Variants in TMEM45B observed in about 807,000 individuals in gnomAD.
The protein encoded by TMEM45B is transmembrane protein 45B.
TMEM45B carries 29 observed loss-of-function variants against 27.3 expected under a neutral mutation model. The ratio of observed to expected loss-of-function variants is 1.06; its 90% CI spans 0.79 to 1.45. TMEM45B has a LOEUF of 1.45. Ranked by LOEUF, TMEM45B falls within the 40% of genes most tolerant of loss-of-function variation. The pLI is 0.00. For synonymous variants in TMEM45B, 143 were observed against 134.7 expected (o/e 1.06, Z -0.43); for missense variants, 348 against 343.9 (o/e 1.01, Z -0.09).
intron 4 of TMEM45B, among the ~76,000 whole-genome samples, chr11:129,856,645 C>T (rs967675523): frequency 1.3e-5 from 2 of 149,470 alleles, no homozygotes; most frequent in African/African-American, 5.0e-5. Flanking sequence ...CTGCAAGCTC[C>T]ACCTCCCAGG....
intron 1 of TMEM45B, among the ~76,000 whole-genome samples, chr11:129,826,587 T>G (rs1237327715): frequency 7.3e-6 from 1 of 136,480 alleles, no homozygotes; most frequent in East Asian, 2.3e-4. Context: ...AGAGGCTATG[T>G]GTCTTGCTCA....
At chr11:129,840,347 A>T (rs1947674279) in intron 1 of TMEM45B, among the ~76,000 whole-genome samples, 1 of 152,234 alleles carries the variant, frequency 6.6e-6, no homozygotes, top group Non-Finnish European at 1.5e-5. Context: ...ACAAGCTGGT[A>T]TCAAGTACAT....
chr11:129,857,703 G>A lies in TMEM45B; in HGVS notation c.716+245G>A, dbSNP rs117030708. ...CCAGGTTTCAAATGCAGGTCTCACA[G>A]ATTTTAAGCCTATGGTGTGGTGGGG... On this transcript the variant is annotated intron_variant, in intron 5 of 5. Coordinates refer to ENST00000281441, the MANE Select transcript of TMEM45B (RefSeq NM_138788.5). Among the ~76,000 whole-genome samples, 313 of 152,288 alleles carry A rather than the reference G, an allele frequency of 2.1e-3. 2 individuals are homozygous for A. Among genetic ancestry groups the A allele is most frequent in the Middle Eastern group, 3.4e-3 (1 of 294 alleles).
intron 1 of TMEM45B, among the ~76,000 whole-genome samples, chr11:129,833,247 AAACAG>A (rs1315023520): frequency 1.2e-4 from 16 of 131,960 alleles, no homozygotes; most frequent in East Asian, 5.2e-4. Context: ...CTCAAAAAAT[AAACAG>A]AAAAATAAAA....
chr11:129,848,482 C>G (rs567422962), intron 1 of TMEM45B, among the ~76,000 whole-genome samples: 6 of 151,876 alleles, frequency 4.0e-5, no homozygotes, highest in Non-Finnish European at 7.4e-5. Flanking sequence ...AGCTTCGGCT[C>G]GGCATGAAAG....
In TMEM45B at chr11:129,826,548, C is replaced by CA. The variant is rs1555069241; in HGVS notation, c.-9+10670dup. 3.3e-3 allele frequency among the ~76,000 whole-genome samples: 59 copies of CA among 17,828 alleles called. 1 individual carries two copies. Among genetic ancestry groups the CA allele is most frequent in the African/African-American group, 6.4e-3 (32 of 4,964 alleles). The allele number at this position is 17,828 out of a possible 152,430, so 11.7% of individuals were successfully genotyped here. On this transcript the variant is annotated intron_variant, in intron 1 of 5. Coordinates refer to ENST00000281441, the MANE Select transcript of TMEM45B (RefSeq NM_138788.5). Reference sequence around the variant, plus strand: ...TGGGGGACACAGCAAGACTCTGTCACAAAAAAAAAAAAAAAAAAAAGGACC... The same window carrying CA: ...TGGGGGACACAGCAAGACTCTGTCACAAAAAAAAAAAAAAAAAAAAAGGACC...
At chr11:129,848,483 G>C (rs535999714) in intron 1 of TMEM45B, among the ~76,000 whole-genome samples, 4 of 150,442 alleles carry the variant, frequency 2.7e-5, no homozygotes, top group African/African-American at 9.9e-5. Context: ...GCTTCGGCTC[G>C]GCATGAAAGG....
chr11:129,857,170 G>A lies in TMEM45B; in HGVS notation c.571-143G>A, dbSNP rs371704569. 1.5e-5 allele frequency: 15 copies of A among 977,104 alleles called. No individual in the cohort carries two copies. The South Asian group carries it at 1.9e-4, about 12-fold the overall frequency. 60.5% of individuals were successfully genotyped at this position (977,104 alleles called of 1,614,324 possible). A position where few individuals can be genotyped will look rare whatever the true frequency, so the allele number is the denominator to read the frequency against. On this transcript the variant is annotated intron_variant, in intron 4 of 5. Coordinates refer to ENST00000281441, the MANE Select transcript of TMEM45B (RefSeq NM_138788.5). ...CCTGGCCAGAGCCATTTTTCTATGT[G>A]AAAAGGCCTTTCTATGCTAACGAAG...
At chr11:129,837,306 G>A (rs1219713271) in intron 1 of TMEM45B, among the ~76,000 whole-genome samples, 3 of 151,770 alleles carry the variant, frequency 2.0e-5, no homozygotes, top group East Asian at 3.9e-4. Context: ...TTTGTTTTGA[G>A]ACGGAGTCTT....
chr11:129,817,880 G>A (rs1449783646), intron 1 of TMEM45B, among the ~76,000 whole-genome samples: 2 of 152,176 alleles, frequency 1.3e-5, no homozygotes, highest in African/African-American at 4.8e-5. Context: ...GGTGAGGACA[G>A]TTTCACCACA....
chr11:129,850,970 ACTC>A (rs1347138591), intron 1 of TMEM45B, among the ~76,000 whole-genome samples: 1 of 152,000 alleles, frequency 6.6e-6, no homozygotes, highest in Non-Finnish European at 1.5e-5. Context: ...AATGTTATAA[ACTC>A]CTCTGGTACC....
intron 1 of TMEM45B, among the ~76,000 whole-genome samples, chr11:129,828,696 T>C (rs977561971): frequency 6.6e-6 from 1 of 152,220 alleles, no homozygotes; most frequent in African/African-American, 2.4e-5. Flanking sequence ...TGAGAGTTCC[T>C]GCCGGCAAGG....
At position 129,858,863 on chromosome 11, in the gene TMEM45B, C is replaced by T; in HGVS notation, c.*178C>T. The T allele has an allele frequency of 2.1e-6, 1 of 465,664 alleles. No individual in the cohort carries two copies. The highest frequency in any genetic ancestry group is 3.9e-6 in the Non-Finnish European group (1 of 259,534). 28.8% of individuals were successfully genotyped at this position (465,664 alleles called of 1,614,324 possible). A position where few individuals can be genotyped will look rare whatever the true frequency, so the allele number is the denominator to read the frequency against. On this transcript the variant is annotated 3_prime_UTR_variant, in exon 6 of 6. Coordinates refer to ENST00000281441, the MANE Select transcript of TMEM45B (RefSeq NM_138788.5). ...ATCAGGCCTACAGCATCCTGTGTAT[C>T]TTGCAGTTGGGATTTTTAAACATAC...
intron 5 of TMEM45B, among the ~76,000 whole-genome samples, chr11:129,858,039 G>A (rs1012550101): frequency 6.6e-6 from 1 of 152,108 alleles, no homozygotes; most frequent in Non-Finnish European, 1.5e-5. Flanking sequence ...TTTTTTACAG[G>A]TGGAGAAAAC....
In TMEM45B at chr11:129,815,860, C is replaced by G; in HGVS notation, c.-47C>G. ...CTTCTGGGCGGACGCACTTGGCGCG[C>G]GGCGCGGGCTGCAGACGGCTGCGAG... On this transcript the variant is annotated 5_prime_UTR_variant, in exon 1 of 6. Coordinates refer to ENST00000281441, the MANE Select transcript of TMEM45B (RefSeq NM_138788.5). The G allele has an allele frequency of 7.7e-7, 1 of 1,306,500 alleles. No homozygotes were observed. Among genetic ancestry groups the G allele is most frequent in the Non-Finnish European group, 9.7e-7 (1 of 1,035,702 alleles). 80.9% of individuals were successfully genotyped at this position (1,306,500 alleles called of 1,614,324 possible).
chr11:129,844,000 G>A (rs1355496208), intron 1 of TMEM45B, among the ~76,000 whole-genome samples: 12 of 152,078 alleles, frequency 7.9e-5, no homozygotes. Context: ...CCCTCCCATG[G>A]TCACTGCAGC....
In TMEM45B at chr11:129,815,877, G is replaced by T. The variant is rs1363169523; in HGVS notation, c.-30G>T. On this transcript the variant is annotated 5_prime_UTR_variant, in exon 1 of 6. Coordinates refer to ENST00000281441, the MANE Select transcript of TMEM45B (RefSeq NM_138788.5). ...TTGGCGCGCGGCGCGGGCTGCAGAC[G>T]GCTGCGAGGCGCTGGGCACAGGTCA... 1.5e-6 allele frequency: 2 copies of T among 1,305,188 alleles called. No individual in the cohort carries two copies. The highest frequency in any genetic ancestry group is 4.1e-5 in the Admixed American group (1 of 24,132). The allele number at this position is 1,305,188 out of a possible 1,614,324, so 80.9% of individuals were successfully genotyped here.
intron 4 of TMEM45B, among the ~76,000 whole-genome samples, chr11:129,856,883 C>T (rs1947935641): frequency 1.3e-5 from 2 of 148,162 alleles, no homozygotes; most frequent in African/African-American, 5.0e-5. Flanking sequence ...AAGACAGTCT[C>T]GCACTGTGGC....
chr11:129,832,414 T>A (rs520475), intron 1 of TMEM45B, among the ~76,000 whole-genome samples: 48,605 of 151,974 alleles, frequency 0.32, 8,463 homozygotes, highest in East Asian at 0.48. Flanking sequence ...TGCTATACCA[T>A]GGATGAATCT....
Sources: gnomAD v4.1 joint callset for allele counts (sites outside exome capture counted in the v4.1 genomes callset) on GRCh38, gnomAD v4.1.1 for gene constraint, MANE v1.5 for transcripts, NCBI Gene and HGNC (gene_info 2026-07-23, HGNC 2026-07-21) for gene names.